Variants in RBFOX1 observed in about 807,000 individuals in gnomAD.
The protein encoded by RBFOX1 is RNA binding protein fox-1 homolog 1.
In RBFOX1, 8 loss-of-function variants were observed where a neutral mutation model predicts 57.7. The ratio of observed to expected loss-of-function variants is 0.14; its 90% CI spans 0.08 to 0.25. RBFOX1 has a LOEUF of 0.25. RBFOX1 is among the 10% of genes least tolerant of loss of function. The pLI, the probability that RBFOX1 is intolerant of heterozygous loss-of-function variation, is 1.00. For missense variants in RBFOX1, 611 were observed against 548.5 expected (o/e 1.11, Z -1.14); for synonymous variants, 326 against 222.4 (o/e 1.47, Z -4.15).
At chr16:6,748,240 A>G (rs966465730) in intron 3 of RBFOX1, among the ~76,000 whole-genome samples, 2 of 152,136 alleles carry the variant, frequency 1.3e-5, no homozygotes, top group Non-Finnish European at 2.9e-5. Context: ...TTCCAGAAGT[A>G]TACAGACCCA....
At chr16:5,935,255 C>G (rs1391064116) in intron 4 of RBFOX1, among the ~76,000 whole-genome samples, 1 of 152,124 alleles carries the variant, frequency 6.6e-6, no homozygotes, top group African/African-American at 2.4e-5. Flanking sequence ...GAAGTATCTG[C>G]CATTGAAAAG....
At chr16:5,394,179 G>A (rs930915324) in intron 1 of RBFOX1, among the ~76,000 whole-genome samples, 8 of 151,822 alleles carry the variant, frequency 5.3e-5, no homozygotes, top group Admixed American at 5.2e-4. Context: ...ATGCACTACC[G>A]TACCCGGCTA....
At chr16:5,531,435 A>G (rs1041898834) in intron 2 of RBFOX1, among the ~76,000 whole-genome samples, 3 of 152,336 alleles carry the variant, frequency 2.0e-5, no homozygotes, top group Middle Eastern at 3.4e-3. Context: ...GCTTAGAAGT[A>G]GGGGTAATAG....
intron 5 of RBFOX1, among the ~76,000 whole-genome samples, chr16:7,550,083 C>A (rs560337050): frequency 6.6e-6 from 1 of 151,658 alleles, no homozygotes; most frequent in African/African-American, 2.4e-5. Context: ...GCACACAACA[C>A]CATGCCTGGC....
At chr16:5,726,253 A>T (rs1017853909) in intron 3 of RBFOX1, among the ~76,000 whole-genome samples, 3 of 151,680 alleles carry the variant, frequency 2.0e-5, no homozygotes, top group African/African-American at 7.3e-5. Flanking sequence ...ATTGGCCTTT[A>T]TGGGACCGTT....
intron 2 of RBFOX1, among the ~76,000 whole-genome samples, chr16:6,593,849 C>G (rs1205611355): frequency 6.6e-6 from 1 of 152,122 alleles, no homozygotes; most frequent in Admixed American, 6.6e-5. Flanking sequence ...GGAAGGTGAT[C>G]TCTGAATGAT....
At chr16:7,064,229 C>T (rs929699266) in intron 4 of RBFOX1, among the ~76,000 whole-genome samples, 7 of 132,588 alleles carry the variant, frequency 5.3e-5, no homozygotes, top group South Asian at 4.7e-4. Context: ...AGTGCAGTGG[C>T]GTGATCTCTG....
intron 3 of RBFOX1, among the ~76,000 whole-genome samples, chr16:6,778,170 G>T (rs1386931494): frequency 6.6e-6 from 1 of 152,072 alleles, no homozygotes. Flanking sequence ...GAATTTCAAA[G>T]ATCACACAAT....
intron 1 of RBFOX1, among the ~76,000 whole-genome samples, chr16:6,139,557 A>G (rs555930423): frequency 1.3e-5 from 2 of 152,306 alleles, no homozygotes; most frequent in South Asian, 2.1e-4. Flanking sequence ...CAGGCTCTGC[A>G]TGGTGTTTGA....
rs111992202 is a variant in RBFOX1, at chr16:6,128,634, C to T, written c.-127+108642C>T. On this transcript the variant is annotated intron_variant, in intron 1 of 15. Transcript: ENST00000550418. ...AGTGGAATCGTTTTGGGGTCAGGTGCCACAAAAGAGGAATATGTGCAGGGG... is the reference window on the plus strand; with the variant it reads ...AGTGGAATCGTTTTGGGGTCAGGTGTCACAAAAGAGGAATATGTGCAGGGG... Among the ~76,000 whole-genome samples the T allele has an allele frequency of 8.7e-3, 1,328 of 152,244 alleles. 23 individuals carry two copies. Among genetic ancestry groups the T allele is most frequent in the African/African-American group, 0.031 (1,275 of 41,534 alleles).
intron 1 of RBFOX1, among the ~76,000 whole-genome samples, chr16:5,413,485 G>A (rs761046648): frequency 3.3e-5 from 5 of 152,148 alleles, no homozygotes; most frequent in Non-Finnish European, 5.9e-5. Context: ...AGTTACAGTA[G>A]CCACCACTCC....
chr16:7,621,406 A>C (rs749026671), intron 10 of RBFOX1, among the ~76,000 whole-genome samples: 5 of 152,022 alleles, frequency 3.3e-5, no homozygotes, highest in Admixed American at 6.6e-5. Flanking sequence ...GGTTACAGGC[A>C]TATGCCACCA....
chr16:7,194,286 A>C (rs1183131674), intron 4 of RBFOX1, among the ~76,000 whole-genome samples: 1 of 152,208 alleles, frequency 6.6e-6, no homozygotes, highest in Non-Finnish European at 1.5e-5. Flanking sequence ...TTTTATGGCT[A>C]CCTTTTATTC....
chr16:5,524,626 T>A lies in RBFOX1; in HGVS notation c.258+57372T>A, dbSNP rs945218040. Among the ~76,000 whole-genome samples the A allele has an allele frequency of 1.4e-4, 21 of 151,594 alleles. 1 individual carries two copies. The highest frequency in any genetic ancestry group is 4.9e-4 in the African/African-American group (20 of 41,232). On this transcript the variant is annotated intron_variant, in intron 2 of 2. Transcript: ENST00000585867. ...TGCGATCTTGGCTCACTGCAACCTC[T>A]GTGTCCTGGGTTCCGTCAGTCCTCC...
intron 4 of RBFOX1, among the ~76,000 whole-genome samples, chr16:7,466,748 C>G (rs980308947): frequency 2.0e-5 from 3 of 152,170 alleles, no homozygotes; most frequent in African/African-American, 7.2e-5. Context: ...CACATCATTC[C>G]TAGGTGTGTG....
intron 3 of RBFOX1, among the ~76,000 whole-genome samples, chr16:6,835,152 C>T (rs1468063032): frequency 2.6e-5 from 4 of 152,206 alleles, no homozygotes; most frequent in Admixed American, 1.3e-4. Context: ...CTGCCCACCT[C>T]GGCCTCCCAC....
chr16:6,112,957 GA>G (rs1333812419), intron 1 of RBFOX1, among the ~76,000 whole-genome samples: 2 of 152,282 alleles, frequency 1.3e-5, no homozygotes, highest in East Asian at 3.9e-4. Context: ...TTTGGGCCTA[GA>G]AATGGCAAGG....
At chr16:6,868,073 G>A (rs1033968595) in intron 3 of RBFOX1, among the ~76,000 whole-genome samples, 2 of 152,158 alleles carry the variant, frequency 1.3e-5, no homozygotes, top group Non-Finnish European at 2.9e-5. Context: ...TGCCGTATGG[G>A]TGTTGAGAAA....
intron 3 of RBFOX1, among the ~76,000 whole-genome samples, chr16:6,946,330 G>C (rs975295512): frequency 5.3e-5 from 8 of 152,276 alleles, no homozygotes; most frequent in Admixed American, 4.6e-4. Flanking sequence ...TACAAAAATA[G>C]TCAGTGGGCC....
Sources: gnomAD v4.1 joint callset for allele counts (sites outside exome capture counted in the v4.1 genomes callset) on GRCh38, gnomAD v4.1.1 for gene constraint, MANE v1.5 for transcripts, NCBI Gene and HGNC (gene_info 2026-07-23, HGNC 2026-07-21) for gene names.